SEMA4A: variants seen among roughly 807,000 people sequenced by gnomAD.
SEMA4A encodes semaphorin 4A.
Under a neutral mutation model 72.5 loss-of-function variants are expected in SEMA4A, and 52 were observed. The observed-to-expected ratio is 0.72, with a 90% CI of 0.57 to 0.90. The LOEUF (loss-of-function observed/expected upper bound fraction) is 0.90. Ranked by LOEUF, SEMA4A falls within the 40% of genes least tolerant of loss-of-function variation. The pLI is 0.00. For missense variants in SEMA4A, 926 were observed against 959.7 expected (o/e 0.96, Z 0.46); for synonymous variants, 369 against 393.1 (o/e 0.94, Z 0.73).
rs186957778 is a variant in SEMA4A, at chr1:156,168,941, T to C, written c.1135-3885T>C. On this transcript the variant is annotated intron_variant, in intron 10 of 14. Coordinates refer to ENST00000368285, the MANE Select transcript of SEMA4A (RefSeq NM_022367.4). ...TTTGGGAAAGAGTCTCATCATGTAG[T>C]GTACTTACCTTATTGAATCCCCCTC... Among the ~76,000 whole-genome samples, 211 of 152,252 alleles carry C rather than the reference T, an allele frequency of 1.4e-3. 1 individual carries two copies. Among genetic ancestry groups the C allele is most frequent in the Non-Finnish European group, 2.2e-3 (148 of 68,010 alleles).
intron 10 of SEMA4A, among the ~76,000 whole-genome samples, chr1:156,172,347 C>T (rs550848217): frequency 3.7e-4 from 56 of 151,918 alleles, no homozygotes; most frequent in African/African-American, 1.3e-3. Flanking sequence ...AACTCCTGAC[C>T]TCAGGTGATC....
intron 10 of SEMA4A, among the ~76,000 whole-genome samples, chr1:156,171,901 G>A (rs1308299239): frequency 2.8e-5 from 4 of 142,392 alleles, no homozygotes; most frequent in East Asian, 2.2e-4. Flanking sequence ...CTCCTGTCTC[G>A]CCTTCCCGAG....
chr1:156,172,675 A>G, intron 10 of SEMA4A, 151 bp from the exon 11 acceptor site: 3 of 775,802 alleles, frequency 3.9e-6, no homozygotes, highest in Non-Finnish European at 6.7e-6. Context: ...GGGACGCACA[A>G]TCAGGCAGCT....
chr1:156,154,552 C>T lies in SEMA4A; in HGVS notation c.-27C>T, dbSNP rs774871334. On this transcript the variant is annotated splice_region_variant and 5_prime_UTR_variant, in exon 2 of 15. Transcript: ENST00000368285. The stretch of plus-strand genomic sequence containing the variant: ...TGCCCGGGTGCCTGTTTCCCCAGAG[C>T]TCCCTGGTGACAGTCTGTGGCTGAG... 11 of 1,604,288 alleles carry T rather than the reference C, an allele frequency of 6.9e-6. No homozygotes were observed. The South Asian group carries it at 7.8e-5, about 11-fold the overall frequency.
chr1:156,163,892 C>A (rs1168079042), intron 10 of SEMA4A, among the ~76,000 whole-genome samples: 3 of 151,128 alleles, frequency 2.0e-5, no homozygotes, highest in Non-Finnish European at 2.9e-5. Context: ...ATGAGCTGGG[C>A]CTGGTGGCAT....
At chr1:156,176,169 A>G (rs1332281856) in intron 14 of SEMA4A, among the ~76,000 whole-genome samples, 8 of 151,958 alleles carry the variant, frequency 5.3e-5, no homozygotes, top group African/African-American at 1.2e-4. Flanking sequence ...AGTCCCAGCT[A>G]TTCGGGAGGC....
intron 5 of SEMA4A, 70 bp from the exon 6 acceptor site, chr1:156,158,649 T>C (rs1653275215): frequency 2.1e-6 from 3 of 1,403,734 alleles, no homozygotes; most frequent in Non-Finnish European, 3.0e-6. Context: ...TTCCCTTCCT[T>C]CCTCAAGCCC....
chr1:156,165,478 CTTTCCTA>C (rs1483232643), intron 10 of SEMA4A, among the ~76,000 whole-genome samples: 1 of 151,894 alleles, frequency 6.6e-6, no homozygotes, highest in African/African-American at 2.4e-5. Flanking sequence ...ATGTATTCTA[CTTTCCTA>C]TTTGATAGTT....
upstream of SEMA4A, among the ~76,000 whole-genome samples, chr1:156,150,954 C>A (rs984194121): frequency 6.6e-6 from 1 of 152,104 alleles, no homozygotes; most frequent in African/African-American, 2.4e-5. Flanking sequence ...AATGACACGG[C>A]CCCTGTGGGC....
At position 156,174,845 on chromosome 1, in the gene SEMA4A, G is replaced by A. The variant is rs777482695; in HGVS notation, c.1339G>A (p.Val447Met). The A allele has an allele frequency of 1.9e-5, 30 of 1,614,218 alleles. No individual in the cohort carries two copies. Among genetic ancestry groups the A allele is most frequent in the Non-Finnish European group, 2.5e-5 (29 of 1,180,032 alleles). The change falls in exon 12 of 15, where the codon GTG becomes ATG. Residue 447 changes from valine to methionine, a missense_variant. Transcript: ENST00000368285. The stretch of plus-strand genomic sequence containing the variant: ...AGCCACAGGGTCGCTCCACAAGGCT[G>A]TGGTAAGTGGGGACAGCAGTGCTCA... ...GTTTGSLHKA[V>M]VSGDSSAHLV...
Position 156,156,545 on chromosome 1 carries a change from G to C in SEMA4A, c.271G>C (p.Asp91His). The C allele has an allele frequency of 6.2e-7, 1 of 1,614,064 alleles. No homozygotes were observed. Among genetic ancestry groups the C allele is most frequent in the East Asian group, 2.2e-5 (1 of 44,880 alleles). The change falls in exon 3 of 15, where the codon GAT (aspartate) becomes CAT (histidine). Residue 91 changes from aspartate to histidine, a missense_variant. Coordinates refer to ENST00000368285, the MANE Select transcript of SEMA4A (RefSeq NM_022367.4). The stretch of plus-strand genomic sequence containing the variant: ...AGCCATTCTGGCCTTGGATATCCAG[G>C]ATCCAGGGGTCCCCAGGCTAAAGAA... ...REAILALDIQDPGVPRLKNMI... is the reference protein window; with the variant it reads ...REAILALDIQHPGVPRLKNMI...
rs1221876307 is a variant in SEMA4A, at chr1:156,171,780, TTA to T, written c.1135-1045_1135-1044del. Among the ~76,000 whole-genome samples the T allele has an allele frequency of 1.7e-3, 251 of 151,558 alleles. 2 individuals carry two copies. The highest frequency in any genetic ancestry group is 0.014 in the Middle Eastern group (4 of 292). The stretch of plus-strand genomic sequence containing the variant: ...TTTAATTAATTAATTAATTAATTAA[TTA>T]ATTTATTTATTTTGTTTTTGAGACC... On this transcript the variant is annotated intron_variant, in intron 10 of 14. Coordinates refer to ENST00000368285, the MANE Select transcript of SEMA4A (RefSeq NM_022367.4).
At position 156,175,143 on chromosome 1, in the gene SEMA4A, A is replaced by G. The variant is rs1455883281; in HGVS notation, c.1492A>G (p.Ser498Gly). The change falls in exon 13 of 15, where the codon AGT (serine) becomes GGT (glycine). Residue 498 changes from serine to glycine, a missense_variant. Ser to Gly is a moderately conservative substitution (Grantham distance 56). Coordinates refer to ENST00000368285, the MANE Select transcript of SEMA4A (RefSeq NM_022367.4). The part of the protein sequence containing the change: ...GVWRVPRANC[S>G]VYESCVDCVL... ...CTGGAGGGTGCCCCGAGCCAACTGT[A>G]GTGTCTATGAGAGCTGTGTGGACTG... The G allele has an allele frequency of 1.2e-6, 2 of 1,613,934 alleles. No homozygotes were observed. Among genetic ancestry groups the G allele is most frequent in the Non-Finnish European group, 1.7e-6 (2 of 1,179,990 alleles).
In SEMA4A at chr1:156,176,749, T is replaced by C. The variant is rs141712100; in HGVS notation, c.2038T>C (p.Tyr680His). The C allele has an allele frequency of 2.2e-4, 360 of 1,612,504 alleles. No individual in the cohort carries two copies. The highest frequency in any genetic ancestry group is 2.9e-4 in the Non-Finnish European group (345 of 1,178,782). ...GGAALAAQQS[Y>H]WPHFVTVTVL... ...GGCCGCCCTGGCTGCCCAGCAGTCC[T>C]ACTGGCCCCACTTTGTCACTGTCAC... Residue 680 changes from tyrosine (Y) to histidine (H), a missense_variant, in exon 15 of 15, where the codon TAC becomes CAC. Coordinates refer to ENST00000368285, the MANE Select transcript of SEMA4A (RefSeq NM_022367.4).
rs1163461169 is a variant in SEMA4A at position 156,160,567 on chromosome 1, C to CCTGA, written c.685+10_685+13dup. 1 of 1,610,630 alleles carries CCTGA rather than the reference C, an allele frequency of 6.2e-7. No homozygotes were observed. The highest frequency in any genetic ancestry group is 8.5e-7 in the Non-Finnish European group (1 of 1,176,950). On this transcript the variant is annotated intron_variant, in intron 7 of 14. Coordinates refer to ENST00000368285, the MANE Select transcript of SEMA4A (RefSeq NM_022367.4). Reference sequence around the variant, plus strand: ...TCCTCCGCTGGCTGCATCGTAAGGACCTGACCCCCGCTGGCCTCCTTTCCT... The same window carrying CCTGA: ...TCCTCCGCTGGCTGCATCGTAAGGACCTGACTGACCCCCGCTGGCCTCCTTTCCT...
chr1:156,158,984 G>C (rs1653321010), intron 6 of SEMA4A, 160 bp downstream of exon 6: 2 of 590,310 alleles, frequency 3.4e-6, no homozygotes, highest in Admixed American at 4.5e-5. Context: ...AAGGATGCTT[G>C]AGTTTAGGGG....
At chr1:156,153,315 T>C (rs1652697267), upstream of SEMA4A, 1 of 152,108 alleles carries the variant, frequency 6.6e-6, no homozygotes, top group Non-Finnish European at 1.5e-5. Flanking sequence ...ATGTCCCCTA[T>C]CTGGGAAATC....
intron 6 of SEMA4A, among the ~76,000 whole-genome samples, chr1:156,159,679 C>G (rs936487627): frequency 1.3e-5 from 2 of 151,746 alleles, no homozygotes; most frequent in African/African-American, 4.8e-5. Flanking sequence ...GAGGCTGAGG[C>G]GGGTGGATCA....
At chr1:156,150,548 G>A (rs1652452949), upstream of SEMA4A, among the ~76,000 whole-genome samples, 1 of 152,128 alleles carries the variant, frequency 6.6e-6, no homozygotes, top group Non-Finnish European at 1.5e-5. Context: ...AAGGGAGGAG[G>A]TGGGGGAAAC....
Sources: allele counts gnomAD v4.1 joint callset (sites outside exome capture counted in the v4.1 genomes callset), GRCh38; gene constraint gnomAD v4.1.1; transcripts MANE v1.5; gene names NCBI Gene and HGNC (gene_info 2026-07-23, HGNC 2026-07-21).